Variants in TENM3 observed in about 807,000 individuals in gnomAD.
The protein encoded by TENM3 is teneurin transmembrane protein 3.
TENM3 carries 63 observed loss-of-function variants against 255.1 expected under a neutral mutation model. That is an observed-to-expected ratio of 0.25 (90% CI 0.20 to 0.30). The LOEUF (loss-of-function observed/expected upper bound fraction) is 0.30, where lower values mean the gene tolerates loss of function less well. TENM3 is among the 10% of genes least tolerant of loss of function. The pLI is 1.00. For missense variants in TENM3, 2,929 were observed against 3,461.1 expected (o/e 0.85, Z 3.86); for synonymous variants, 1,306 against 1,322.3 (o/e 0.99, Z 0.27).
chr4:182,229,635 T>C (rs61142130), intron 1 of TENM3, among the ~76,000 whole-genome samples: 10,454 of 146,928 alleles, frequency 0.071, 393 homozygotes, highest in African/African-American at 0.11. Flanking sequence ...TATATATATA[T>C]ACACACACAC....
intron 1 of TENM3, among the ~76,000 whole-genome samples, chr4:182,280,206 C>T (rs1464102479): frequency 6.6e-6 from 1 of 152,160 alleles, no homozygotes; most frequent in African/African-American, 2.4e-5. Flanking sequence ...TTAGTGAGGC[C>T]CCTGCTTTAG....
intron 3 of TENM3, among the ~76,000 whole-genome samples, chr4:182,488,637 T>C (rs928084414): frequency 1.2e-4 from 19 of 152,240 alleles, no homozygotes; most frequent in Admixed American, 3.9e-4. Context: ...AATAAGAAGC[T>C]GGTAGTTAAT....
At chr4:182,587,264 AT>A (rs1271052402) in intron 3 of TENM3, among the ~76,000 whole-genome samples, 5 of 151,868 alleles carry the variant, frequency 3.3e-5, no homozygotes, top group Admixed American at 3.3e-4. Flanking sequence ...GGCCCCATTA[AT>A]TTTCACATTT....
At chr4:182,414,774 A>G (rs1427265295) in intron 3 of TENM3, among the ~76,000 whole-genome samples, 1 of 152,244 alleles carries the variant, frequency 6.6e-6, no homozygotes, top group Non-Finnish European at 1.5e-5. Context: ...CTGTTTAAAT[A>G]ATATATGAAA....
chr4:182,647,585 A>G (rs930765919), intron 5 of TENM3, among the ~76,000 whole-genome samples: 53 of 152,198 alleles, frequency 3.5e-4, no homozygotes, highest in African/African-American at 1.2e-3. Context: ...ATACTCTTCC[A>G]TTGTGTGTAT....
intron 3 of TENM3, among the ~76,000 whole-genome samples, chr4:182,381,358 A>G (rs1310748916): frequency 1.3e-5 from 2 of 152,190 alleles, no homozygotes; most frequent in Non-Finnish European, 2.9e-5. Context: ...TGCAGGGAAA[A>G]AAAGACTCAG....
At chr4:181,511,366 G>A in the TENM3 span, among the ~76,000 whole-genome samples, 1 of 152,198 alleles carries the variant, frequency 6.6e-6, no homozygotes, top group African/African-American at 2.4e-5. Context: ...ACTTGCCCAA[G>A]GGATCCTAGC....
intron 12 of TENM3, among the ~76,000 whole-genome samples, chr4:182,694,396 G>T (rs909566625): frequency 6.6e-5 from 10 of 152,110 alleles, no homozygotes; most frequent in African/African-American, 1.9e-4. Flanking sequence ...TTATAAGCAT[G>T]AGCCACCGCA....
the TENM3 span, among the ~76,000 whole-genome samples, chr4:182,024,049 A>T: frequency 6.6e-6 from 1 of 152,182 alleles, no homozygotes; most frequent in African/African-American, 2.4e-5. Context: ...TATATATTTC[A>T]GTTTTTAAAT....
chr4:182,463,982 TA>T (rs2151411503), intron 3 of TENM3, among the ~76,000 whole-genome samples: 1 of 152,284 alleles, frequency 6.6e-6, no homozygotes, highest in Non-Finnish European at 1.5e-5. Flanking sequence ...AACTATTCAT[TA>T]AATGTAACAG....
chr4:182,588,592 T>G lies in TENM3; in HGVS notation c.512-12332T>G, dbSNP rs561452757. On this transcript the variant is annotated intron_variant, in intron 3 of 27. Transcript: ENST00000511685. The stretch of plus-strand genomic sequence containing the variant: ...TATGTCAGTTCTTTATTGTCAAGAT[T>G]GGGACAGCTTCTTCCTTTTTTGCTT... Among the ~76,000 whole-genome samples, 3 of 152,310 alleles carry G rather than the reference T, an allele frequency of 2.0e-5. No individual in the cohort carries two copies. The South Asian group carries it at 6.2e-4, about 32-fold the overall frequency.
the TENM3 span, among the ~76,000 whole-genome samples, chr4:181,828,276 T>C: frequency 6.6e-6 from 1 of 152,222 alleles, no homozygotes; most frequent in African/African-American, 2.4e-5. Flanking sequence ...TCCTGGTGAA[T>C]GGACTCTCTG....
chr4:181,545,416 C>A, the TENM3 span, among the ~76,000 whole-genome samples: 2 of 152,100 alleles, frequency 1.3e-5, no homozygotes, highest in Non-Finnish European at 2.9e-5. Flanking sequence ...GGGGTTCCAT[C>A]AAGAAGTAAC....
chr4:182,619,878 C>G (rs1749934077), intron 4 of TENM3, among the ~76,000 whole-genome samples: 1 of 152,194 alleles, frequency 6.6e-6, no homozygotes, highest in African/African-American at 2.4e-5. Flanking sequence ...TTGGAAACAT[C>G]AGAACAAAAG....
chr4:181,501,075 A>G, the TENM3 span, among the ~76,000 whole-genome samples: 25 of 152,280 alleles, frequency 1.6e-4, no homozygotes, highest in Non-Finnish European at 3.4e-4. Context: ...TAGAGTCACC[A>G]GCTGCCTTTC....
chr4:182,677,516 T>A (rs1300839923), intron 7 of TENM3, among the ~76,000 whole-genome samples: 1 of 152,186 alleles, frequency 6.6e-6, no homozygotes, highest in Non-Finnish European at 1.5e-5. Context: ...TTAAACCTGA[T>A]GAGGAAATGA....
chr4:182,543,817 C>A (rs1031386437), intron 3 of TENM3, among the ~76,000 whole-genome samples: 2 of 151,744 alleles, frequency 1.3e-5, no homozygotes, highest in African/African-American at 4.8e-5. Flanking sequence ...CATACTGTCG[C>A]TATAGGATAG....
chr4:181,601,065 T>C, the TENM3 span, among the ~76,000 whole-genome samples: 5 of 152,260 alleles, frequency 3.3e-5, no homozygotes, highest in East Asian at 9.7e-4. Context: ...TCTGCCTTGA[T>C]CTAAGAGCAA....
chr4:181,628,617 C>T, the TENM3 span, among the ~76,000 whole-genome samples: 58 of 152,198 alleles, frequency 3.8e-4, 1 homozygote, highest in South Asian at 6.2e-4. Context: ...TTGTTTTTGT[C>T]GGGTTTGTTG....
Sources: allele counts gnomAD v4.1 joint callset (sites outside exome capture counted in the v4.1 genomes callset), GRCh38; gene constraint gnomAD v4.1.1; transcripts MANE v1.5; gene names NCBI Gene and HGNC (gene_info 2026-07-23, HGNC 2026-07-21).